The following ROBO3 variants were observed in gnomAD, a reference collection of about 807,000 sequenced individuals.
The protein encoded by ROBO3 is roundabout homolog 3.
A neutral mutation model predicts 160.5 loss-of-function variants in ROBO3; 97 were observed. The ratio of observed to expected loss-of-function variants is 0.60; its 90% confidence interval spans 0.51 to 0.72. The LOEUF is 0.72. ROBO3 is among the 30% of genes least tolerant of loss of function. ROBO3 has a pLI of 0.00. For missense variants in ROBO3, 1,858 were observed against 1,846.5 expected, an observed-to-expected ratio of 1.01 and a Z score of -0.11; for synonymous variants, 780 against 746.2, an observed-to-expected ratio of 1.05 and a Z score of -0.74.
chr11:124,874,720 C>T (rs1253357347), intron 12 of ROBO3, 68 bp from the exon 13 acceptor site: 13 of 1,520,574 alleles, frequency 8.5e-6, no homozygotes, highest in East Asian at 2.3e-5. Flanking sequence ...AGGTAGGACA[C>T]GAGCACACTC....
chr11:124,872,949 T>A lies in ROBO3; in HGVS notation c.1396T>A (p.Ser466Thr), dbSNP rs1030913076. ...GPANQTLVLGSSVWLPCRVTG... is the reference protein window; with the variant it reads ...GPANQTLVLGTSVWLPCRVTG... Reference sequence around the variant, plus strand: ...AGCCAATCAGACGCTGGTGCTTGGCTCCTCCGTGTGGCTGCCCTGCAGAGT... The same window carrying A: ...AGCCAATCAGACGCTGGTGCTTGGCACCTCCGTGTGGCTGCCCTGCAGAGT... The change falls in exon 9 of 28, where the codon TCC becomes ACC. Residue 466 changes from serine to threonine, a missense_variant. Coordinates refer to ENST00000397801, the MANE Select transcript of ROBO3 (RefSeq NM_022370.4). The surrounding 1 kb of genome is among the most constrained non-coding windows in gnomAD (Gnocchi z 4.3). 1.2e-6 allele frequency: 2 copies of A among 1,613,014 alleles called. No homozygotes were observed. Among genetic ancestry groups the A allele is most frequent in the Admixed American group, 1.7e-5 (1 of 59,994 alleles).
Position 124,878,778 on chromosome 11 carries a change from A to G in ROBO3, c.3515A>G (p.His1172Arg), listed in dbSNP as rs1255542867. 16 of 1,613,128 alleles carry G rather than the reference A, an allele frequency of 9.9e-6. No homozygotes were observed. The highest frequency in any genetic ancestry group is 1.3e-5 in the African/African-American group (1 of 75,008). Residue 1172 changes from histidine (H) to arginine (R), a missense_variant, in exon 23 of 28, where the codon CAT becomes CGT. Coordinates refer to ENST00000397801, the MANE Select transcript of ROBO3 (RefSeq NM_022370.4). This position sits in a 1 kb window ranked among gnomAD's most constrained non-coding sequence, Gnocchi z 4.3. Reference sequence around the variant, plus strand: ...CCCCAGCCCCCAACTGACATGCCCCATCTCCATCAGATGCCCAGGTAGGGA... The same window carrying G: ...CCCCAGCCCCCAACTGACATGCCCCGTCTCCATCAGATGCCCAGGTAGGGA... ...DPPQPPTDMP[H>R]LHQMPRRVPL...
chr11:124,874,671 C>A, intron 12 of ROBO3, 117 bp from the exon 13 acceptor site: 2 of 1,265,816 alleles, frequency 1.6e-6, no homozygotes. Flanking sequence ...CCCTCCTGAC[C>A]ATGGGGTGTG....
In ROBO3 at chr11:124,871,075, T is replaced by C. The variant is rs1264097043; in HGVS notation, c.1095T>C (p.Ala365=). The C allele has an allele frequency of 6.2e-7, 1 of 1,613,734 alleles. No homozygotes were observed. Among genetic ancestry groups the C allele is most frequent in the Non-Finnish European group, 8.5e-7 (1 of 1,179,680 alleles). ...DQMAAPGESV[A]FQCETKGNPP... The stretch of plus-strand genomic sequence containing the variant: ...TGGCAGCTCCTGGAGAGAGCGTGGC[T>C]TTCCAGTGCGAGACCAAAGGAAACC... The change falls in exon 7 of 28, where the codon GCT becomes GCC. Residue 365 remains alanine, a synonymous_variant. Coordinates refer to ENST00000397801, the MANE Select transcript of ROBO3 (RefSeq NM_022370.4).
chr11:124,877,441 C>A (rs745919340), intron 19 of ROBO3, 78 bp from the exon 20 acceptor site: 40 of 1,597,130 alleles, frequency 2.5e-5, no homozygotes, highest in Non-Finnish European at 3.3e-5. Context: ...TCCTGAAACT[C>A]CCGAATATCG....
intron 13 of ROBO3, 91 bp from the exon 14 acceptor site, chr11:124,875,020 T>C: frequency 6.6e-7 from 1 of 1,511,698 alleles, no homozygotes; most frequent in South Asian, 1.3e-5. Flanking sequence ...GAAGGCGGCA[T>C]GAGTGGGAGG....
In ROBO3 at chr11:124,865,975, T is replaced by A. The variant is rs1280954911; in HGVS notation, c.160+238T>A. On this transcript the variant is annotated intron_variant, in intron 1 of 27. Transcript: ENST00000397801. This position sits in a 1 kb window ranked among gnomAD's most constrained non-coding sequence, Gnocchi z 5.5. ...GGCTACTGAGTCTTTTTACACCTCC[T>A]TCCCTTCCCCTACAACGCCCACCCC... 1.3e-5 allele frequency among the ~76,000 whole-genome samples: 2 copies of A among 152,192 alleles called. No homozygotes were observed. Among genetic ancestry groups the A allele is most frequent in the Non-Finnish European group, 2.9e-5 (2 of 68,034 alleles).
chr11:124,874,051 C>T lies in ROBO3; in HGVS notation c.1785-19C>T, dbSNP rs201629431. 9.9e-6 allele frequency: 16 copies of T among 1,613,420 alleles called. No homozygotes were observed. Among genetic ancestry groups the T allele is most frequent in the Admixed American group, 1.7e-5 (1 of 60,000 alleles). ...GAGTTCCTGGCTTAGACAACCCTGT[C>T]ATCTCCTTCTTGTTGTAGCCCAGCA... On this transcript the variant is annotated intron_variant, in intron 11 of 27. Transcript: ENST00000397801.
intron 17 of ROBO3, 125 bp from the exon 18 acceptor site, chr11:124,877,036 G>A: frequency 9.5e-7 from 1 of 1,047,564 alleles, no homozygotes; most frequent in South Asian, 1.3e-5. Context: ...CTGATGAAAT[G>A]GGTCCAGGGT....
At position 124,869,501 on chromosome 11, in the gene ROBO3, G is replaced by A. The variant is rs533762775; in HGVS notation, c.539G>A (p.Gly180Glu). ...QSPGNVVVAV[G>E]EPAVLECVPP... ...CCTGGAAACGTGGTGGTGGCAGTGG[G>A]GGAGCCAGCAGTACTGGAATGCGTG... is the stretch of plus-strand genomic sequence containing the variant. The change falls in exon 3 of 28, where the codon GGG (glycine) becomes GAG (glutamate). Residue 180 changes from glycine (G) to glutamate (E), a missense_variant. Physicochemically the swap from Gly to Glu is moderately conservative, Grantham distance 98. Coordinates refer to ENST00000397801, the MANE Select transcript of ROBO3 (RefSeq NM_022370.4). This position sits in a 1 kb window ranked among gnomAD's most constrained non-coding sequence, Gnocchi z 4.2. The A allele has an allele frequency of 2.2e-5, 34 of 1,561,054 alleles. No homozygotes were observed. The highest frequency in any genetic ancestry group is 1.2e-4 in the South Asian group (10 of 84,626).
chr11:124,879,694 A>T, intron 25 of ROBO3, 93 bp from the exon 26 acceptor site: 1 of 1,573,548 alleles, frequency 6.4e-7, no homozygotes, highest in Non-Finnish European at 8.7e-7. Context: ...TGGGCTGTTC[A>T]TTGGCAGCCT....
intron 13 of ROBO3, 51 bp downstream of exon 13, chr11:124,874,960 A>G (rs533872730): frequency 1.3e-6 from 2 of 1,578,074 alleles, no homozygotes; most frequent in East Asian, 2.3e-5. Context: ...TATGAGGCAC[A>G]TGAGGGCCTC....
Position 124,869,683 on chromosome 11 carries a change from GA to G in ROBO3, c.645+77del. The G allele has an allele frequency of 6.9e-7, 1 of 1,447,212 alleles. No individual in the cohort carries two copies. Among genetic ancestry groups the G allele is most frequent in the Non-Finnish European group, 9.3e-7 (1 of 1,076,710 alleles). The allele number at this position is 1,447,212 out of a possible 1,614,324, so 89.6% of individuals were successfully genotyped here. ...TAGGGAGGTGACAAGGCTGGAGATT[GA>G]GATCAGGGCATTAGCTAACCAGAGA... is the stretch of plus-strand genomic sequence containing the variant. On this transcript the variant is annotated intron_variant, in intron 3 of 27. Transcript: ENST00000397801. The surrounding 1 kb of genome is among the most constrained non-coding windows in gnomAD (Gnocchi z 4.2).
chr11:124,869,750 T>C lies in ROBO3; in HGVS notation c.645+143T>C. The C allele has an allele frequency of 7.1e-6, 9 of 1,267,416 alleles. No homozygotes were observed. The highest frequency in any genetic ancestry group is 2.5e-5 in the East Asian group (1 of 39,540). 78.5% of individuals were successfully genotyped at this position (1,267,416 alleles called of 1,614,324 possible). A position where few individuals can be genotyped will look rare whatever the true frequency, so the allele number is the denominator to read the frequency against. On this transcript the variant is annotated intron_variant, in intron 3 of 27. Transcript: ENST00000397801. This position sits in a 1 kb window ranked among gnomAD's most constrained non-coding sequence, Gnocchi z 4.2. ...ACAGTGAGGGATAAGGAAGACGGAA[T>C]TGGTATAAAAAAGGGGCGGGGGCAT...
intron 19 of ROBO3, 35 bp from the exon 20 acceptor site, chr11:124,877,484 C>T (rs780326338): frequency 1.1e-5 from 17 of 1,599,418 alleles, no homozygotes; most frequent in Non-Finnish European, 1.4e-5. Context: ...CCTCTTCAGG[C>T]TCTCCGTCCC....
At chr11:124,879,653 G>C in intron 25 of ROBO3, 78 bp downstream of exon 25, 2 of 1,523,502 alleles carry the variant, frequency 1.3e-6, no homozygotes, top group Non-Finnish European at 1.8e-6. Context: ...CACTCTGGGG[G>C]CTGGAGGAGG....
At position 124,879,526 on chromosome 11, in the gene ROBO3, C is replaced by A; in HGVS notation, c.3747C>A (p.Phe1249Leu). 3.1e-6 allele frequency: 5 copies of A among 1,613,864 alleles called. No individual in the cohort carries two copies. The highest frequency in any genetic ancestry group is 4.2e-6 in the Non-Finnish European group (5 of 1,179,846). ...TPPLQGPRAR[F>L]RKKPKALPYR... ...CACTTCAAGGACCCCGTGCTCGATT[C>A]CGGAAGAAACCCAAGGCTCTTCCCT... The change falls in exon 25 of 28, where the codon TTC becomes TTA. Residue 1249 changes from phenylalanine (F) to leucine (L), a missense_variant. Phe to Leu is a conservative substitution (Grantham distance 22). Coordinates refer to ENST00000397801, the MANE Select transcript of ROBO3 (RefSeq NM_022370.4).
At position 124,874,883 on chromosome 11, in the gene ROBO3, C is replaced by A. The variant is rs770339772; in HGVS notation, c.2047C>A (p.Pro683Thr). Reference protein sequence around the residue: ...VRLQEPIVLGPRTLQVSWTVD... With the variant: ...VRLQEPIVLGTRTLQVSWTVD... ...CCTGCAGGAGCCCATAGTCCTGGGA[C>A]CCCGGACCCTGCAGGTGTCCTGGAC... is the stretch of plus-strand genomic sequence containing the variant. Residue 683 changes from proline (P) to threonine (T), a missense_variant, in exon 13 of 28, where the codon CCC (proline) becomes ACC (threonine). Transcript: ENST00000397801. The A allele has an allele frequency of 1.9e-6, 3 of 1,602,834 alleles. No individual in the cohort carries two copies. In the African/African-American group the frequency reaches 4.0e-5, roughly 21 times the overall value.
chr11:124,867,951 C>T (rs117555542), intron 1 of ROBO3, among the ~76,000 whole-genome samples: 530 of 152,276 alleles, frequency 3.5e-3, no homozygotes, highest in Non-Finnish European at 6.1e-3. Flanking sequence ...TAACAGGCTC[C>T]GGGATCCTAA....
Sources: allele counts gnomAD v4.1 joint callset (sites outside exome capture counted in the v4.1 genomes callset), GRCh38; gene constraint gnomAD v4.1.1; non-coding constraint Gnocchi (gnomAD v3.1); transcripts MANE v1.5; gene names NCBI Gene and HGNC (gene_info 2026-07-23, HGNC 2026-07-21).